The following KLHL1 variants were observed in gnomAD, a reference collection of about 807,000 sequenced individuals.
The protein encoded by KLHL1 is kelch-like protein 1.
KLHL1 carries 47 observed loss-of-function variants against 77.7 expected under a neutral mutation model. The observed-to-expected ratio is 0.60, with a 90% confidence interval of 0.48 to 0.77. KLHL1 has a LOEUF of 0.77. Among genes scored for constraint, KLHL1 ranks in the 30% least tolerant of loss-of-function variants. KLHL1 has a pLI of 0.00. For missense variants in KLHL1, 925 were observed against 910.8 expected (o/e 1.02, Z -0.20); for synonymous variants, 360 against 325.2 (o/e 1.11, Z -1.15).
At chr13:69,882,548 G>T in intron 4 of KLHL1, 53 bp from the exon 5 acceptor site, 1 of 1,253,314 alleles carries the variant, frequency 8.0e-7, no homozygotes, top group Non-Finnish European at 1.2e-6. Context: ...TATTTAGCTA[G>T]TAAAGCATTT....
At chr13:69,834,061 C>G (rs1303220993) in intron 6 of KLHL1, among the ~76,000 whole-genome samples, 1 of 151,764 alleles carries the variant, frequency 6.6e-6, no homozygotes, top group Non-Finnish European at 1.5e-5. Flanking sequence ...AAGAACAATA[C>G]AATGGACTTT....
intron 3 of KLHL1, 86 bp downstream of exon 3, chr13:69,961,222 T>TA (rs1555285763): frequency 2.5e-5 from 33 of 1,302,080 alleles, no homozygotes; most frequent in East Asian, 9.5e-5. Flanking sequence ...AGAATTTTTT[T>TA]TAAAAAAGCG....
At chr13:70,051,703 G>A (rs1156771026) in intron 1 of KLHL1, among the ~76,000 whole-genome samples, 1 of 151,984 alleles carries the variant, frequency 6.6e-6, no homozygotes, top group Non-Finnish European at 1.5e-5. Flanking sequence ...ACTAAGACTA[G>A]ATGTGTGGAT....
At chr13:70,074,069 C>G (rs1208338462) in intron 1 of KLHL1, among the ~76,000 whole-genome samples, 1 of 151,986 alleles carries the variant, frequency 6.6e-6, no homozygotes, top group Non-Finnish European at 1.5e-5. Flanking sequence ...TCAGGTGATC[C>G]GCCCACCTCG....
intron 7 of KLHL1, among the ~76,000 whole-genome samples, chr13:69,773,776 G>A (rs17085372): frequency 0.13 from 19,370 of 151,114 alleles, 1,555 homozygotes; most frequent in African/African-American, 0.23. Flanking sequence ...GTGTTCTGTT[G>A]CTCTATTACA....
intron 1 of KLHL1, among the ~76,000 whole-genome samples, chr13:70,043,384 A>T (rs988245225): frequency 2.0e-5 from 3 of 152,186 alleles, no homozygotes; most frequent in African/African-American, 7.2e-5. Context: ...AAGTTACAGA[A>T]AGTTAAGATC....
At chr13:70,029,033 C>A (rs545000274) in intron 1 of KLHL1, among the ~76,000 whole-genome samples, 5 of 150,728 alleles carry the variant, frequency 3.3e-5, no homozygotes, top group African/African-American at 4.9e-5. Flanking sequence ...ATTATCAGAA[C>A]AAAAGCAAGG....
At chr13:69,866,581 C>T (rs1308499702) in intron 5 of KLHL1, among the ~76,000 whole-genome samples, 3 of 151,938 alleles carry the variant, frequency 2.0e-5, no homozygotes, top group Admixed American at 6.6e-5. Context: ...CCAGGGATTC[C>T]GCGAGTTAGA....
intron 1 of KLHL1, among the ~76,000 whole-genome samples, chr13:70,088,703 A>C (rs1887603608): frequency 6.6e-6 from 1 of 152,122 alleles, no homozygotes; most frequent in Admixed American, 6.5e-5. Context: ...CAAATAAATA[A>C]AATAAAATAA....
chr13:70,057,443 G>C (rs1235049198), intron 1 of KLHL1, among the ~76,000 whole-genome samples: 2 of 119,232 alleles, frequency 1.7e-5, no homozygotes, highest in Non-Finnish European at 3.3e-5. Flanking sequence ...AGTATGCCCT[G>C]ATATCATAAA....
chr13:70,043,346 C>T (rs1435670935), intron 1 of KLHL1, among the ~76,000 whole-genome samples: 1 of 152,038 alleles, frequency 6.6e-6, no homozygotes, highest in African/African-American at 2.4e-5. Flanking sequence ...ACTAAGGAGT[C>T]AAAATGCTAA....
rs146440146 is a variant in KLHL1, at chr13:69,764,629, C to A, written c.1640-24073G>T. On this transcript the variant is annotated intron_variant, in intron 7 of 10. Coordinates refer to ENST00000377844, the MANE Select transcript of KLHL1 (RefSeq NM_020866.3). ...CAAAAGATTTTGAAGCCAATGTAAGCCTTTGGGAGAAAGTCTTCTAGACAC... is the reference window on the plus strand; with the variant it reads ...CAAAAGATTTTGAAGCCAATGTAAGACTTTGGGAGAAAGTCTTCTAGACAC... Among the ~76,000 whole-genome samples, 112 of 152,162 alleles carry A rather than the reference C, an allele frequency of 7.4e-4. 1 individual carries two copies. The highest frequency in any genetic ancestry group is 2.6e-3 in the African/African-American group (110 of 41,542).
intron 6 of KLHL1, among the ~76,000 whole-genome samples, chr13:69,832,694 C>T (rs1878808937): frequency 6.6e-6 from 1 of 151,830 alleles, no homozygotes; most frequent in Admixed American, 6.6e-5. Flanking sequence ...TCACGTCACC[C>T]AACTTCAAAC....
At chr13:69,935,281 A>ATAGTTCACCTACTGGTGAACTTGGTACT in intron 4 of KLHL1, among the ~76,000 whole-genome samples, 1 of 151,884 alleles carries the variant, frequency 6.6e-6, no homozygotes, top group African/African-American at 2.4e-5. Flanking sequence ...AACTTGGTAC[A>ATAGTTCACCTACTGGTGAACTTGGTACT]TAGCAGTCAA....
chr13:69,843,372 C>T (rs1281044374), intron 5 of KLHL1, among the ~76,000 whole-genome samples: 2 of 151,510 alleles, frequency 1.3e-5, no homozygotes, highest in Non-Finnish European at 3.0e-5. Context: ...TTGGAAACAG[C>T]TTAGGTTTTA....
chr13:70,107,704 T>C lies in KLHL1; in HGVS notation c.-5A>G, dbSNP rs184946008. 233 of 1,515,692 alleles carry C rather than the reference T, an allele frequency of 1.5e-4. No individual in the cohort carries two copies. In the African/African-American group the frequency reaches 2.6e-3, roughly 17 times the overall value. The allele number at this position is 1,515,692 out of a possible 1,614,324, so 93.9% of individuals were successfully genotyped here. On this transcript the variant is annotated 5_prime_UTR_variant, in exon 1 of 11. Transcript: ENST00000377844. ...TTTTCGCCCAGAGCCTGACATGCTT[T>C]ACGCACAGAAGGCAAAAGGCTGGCA...
chr13:69,813,256 T>C (rs1051595894), intron 6 of KLHL1, among the ~76,000 whole-genome samples: 34 of 150,458 alleles, frequency 2.3e-4, no homozygotes, highest in Admixed American at 1.2e-3. Context: ...TTCTCACTCA[T>C]AGGTGGGAAT....
intron 3 of KLHL1, among the ~76,000 whole-genome samples, chr13:69,944,800 A>C (rs977276744): frequency 1.2e-4 from 18 of 152,084 alleles, no homozygotes; most frequent in African/African-American, 4.1e-4. Flanking sequence ...GCACTACCTG[A>C]TTTTAAGACT....
At chr13:69,925,667 GA>G (rs1204825474) in intron 4 of KLHL1, among the ~76,000 whole-genome samples, 1 of 61,416 alleles carries the variant, frequency 1.6e-5, no homozygotes, top group Admixed American at 1.9e-4. Flanking sequence ...TTTGCCCTCT[GA>G]AAAAAATAAA....
Sources: allele counts gnomAD v4.1 joint callset (sites outside exome capture counted in the v4.1 genomes callset), GRCh38; gene constraint gnomAD v4.1.1; transcripts MANE v1.5; gene names NCBI Gene and HGNC (gene_info 2026-07-23, HGNC 2026-07-21).